Variants in ANK3 observed in about 807,000 individuals in gnomAD.
ANK3 encodes ankyrin 3.
ANK3 carries 57 observed loss-of-function variants against 370.9 expected under a neutral mutation model. The ratio of observed to expected loss-of-function variants is 0.15; its 90% CI spans 0.12 to 0.19. ANK3 has a LOEUF of 0.19. Among genes scored for constraint, ANK3 ranks in the 10% least tolerant of loss-of-function variants. The pLI is 1.00. For missense variants in ANK3, 4,439 were observed against 5,302.1 expected, an observed-to-expected ratio of 0.84 and a Z score of 5.06; for synonymous variants, 1,929 against 1,946.3, an observed-to-expected ratio of 0.99 and a Z score of 0.23.
Position 60,601,922 on chromosome 10 carries a change from T to C in ANK3, c.96+13264A>G, listed in dbSNP as rs530902877. 2.2e-4 allele frequency among the ~76,000 whole-genome samples: 33 copies of C among 152,294 alleles called. No homozygotes were observed. In the South Asian group the frequency reaches 5.6e-3, roughly 26 times the overall value. ...ATTCTATATGCAATAATCTCAAATA[T>C]ATTTATTGATATGCTCAGTGAAGTA... is the stretch of plus-strand genomic sequence containing the variant. On this transcript the variant is annotated intron_variant, in intron 2 of 43. Coordinates refer to the ANK3 transcript ENST00000373827.
At chr10:60,395,951 C>T (rs1047577477) in intron 2 of ANK3, among the ~76,000 whole-genome samples, 6 of 152,146 alleles carry the variant, frequency 3.9e-5, no homozygotes, top group Non-Finnish European at 7.4e-5. Context: ...GATCTCTTTT[C>T]GCTACCCATG....
chr10:60,367,213 G>A (rs967248439), intron 1 of ANK3, among the ~76,000 whole-genome samples: 6 of 152,168 alleles, frequency 3.9e-5, no homozygotes, highest in African/African-American at 7.2e-5. Context: ...TTACATAACC[G>A]TTCCTACCAA....
chr10:60,226,726 A>T (rs2097170331), intron 8 of ANK3, among the ~76,000 whole-genome samples: 1 of 143,828 alleles, frequency 7.0e-6, no homozygotes, highest in African/African-American at 2.5e-5. Context: ...CATAGTATTC[A>T]TTATATAAAT....
chr10:60,276,042 A>G (rs925275815), intron 4 of ANK3, among the ~76,000 whole-genome samples: 7 of 152,162 alleles, frequency 4.6e-5, no homozygotes, highest in African/African-American at 1.2e-4. Context: ...CTGGAATGTT[A>G]AGTACTAAAA....
intron 2 of ANK3, among the ~76,000 whole-genome samples, chr10:60,545,652 C>G (rs2076947437): frequency 6.6e-6 from 1 of 151,890 alleles, no homozygotes; most frequent in Admixed American, 6.6e-5. Flanking sequence ...AAATATTTAT[C>G]AAGTCAAAGG....
chr10:60,602,384 T>G (rs533557800), intron 2 of ANK3, among the ~76,000 whole-genome samples: 2 of 152,276 alleles, frequency 1.3e-5, no homozygotes, highest in African/African-American at 4.8e-5. Context: ...ACCATTCTAT[T>G]GATAACTAGG....
At chr10:60,668,929 G>T (rs1409313348) in intron 1 of ANK3, among the ~76,000 whole-genome samples, 1 of 152,054 alleles carries the variant, frequency 6.6e-6, no homozygotes, top group African/African-American at 2.4e-5. Context: ...GGAGGCAGAG[G>T]TTGCGGTGAG....
At chr10:60,353,039 A>G (rs1022609454) in intron 1 of ANK3, among the ~76,000 whole-genome samples, 1 of 152,112 alleles carries the variant, frequency 6.6e-6, no homozygotes. Flanking sequence ...GCTGGAGTGC[A>G]GAGGCGTGAT....
chr10:60,095,566 A>G (rs1315548884), intron 28 of ANK3, among the ~76,000 whole-genome samples: 3 of 152,176 alleles, frequency 2.0e-5, no homozygotes, highest in Non-Finnish European at 4.4e-5. Context: ...CTTTTTTTGT[A>G]GAGACTGGCC....
chr10:60,514,067 T>C lies in ANK3; in HGVS notation c.96+101119A>G, dbSNP rs1261993121. Among the ~76,000 whole-genome samples the C allele has an allele frequency of 5.9e-5, 9 of 152,158 alleles. No individual in the cohort carries two copies. In the East Asian group the frequency reaches 1.7e-3, roughly 29 times the overall value. ...TTATCTACTTCCTCTCAATGAATAG[T>C]AAATGTTTCCCTCCTTATAATTTTC... On this transcript the variant is annotated intron_variant, in intron 2 of 43. Transcript: ENST00000373827.
At chr10:60,201,858 T>A (rs975683001) in intron 12 of ANK3, among the ~76,000 whole-genome samples, 1 of 151,940 alleles carries the variant, frequency 6.6e-6, no homozygotes, top group Non-Finnish European at 1.5e-5. Context: ...ATTACATGCA[T>A]GCACCACCAC....
At chr10:60,156,270 A>C (rs192097514) in intron 23 of ANK3, among the ~76,000 whole-genome samples, 405 of 152,254 alleles carry the variant, frequency 2.7e-3, no homozygotes, top group African/African-American at 9.4e-3. Flanking sequence ...AGCCACACTA[A>C]AATAAAGCAC....
In ANK3 at chr10:60,071,569, T is replaced by C; in HGVS notation, c.9312A>G (p.Gln3104=). The C allele has an allele frequency of 6.2e-7, 1 of 1,614,124 alleles. No homozygotes were observed. Among genetic ancestry groups the C allele is most frequent in the Non-Finnish European group, 8.5e-7 (1 of 1,180,018 alleles). ...CTCCTTGTTGTATCTCCTTTTCATA[T>C]TGCTTCCCCACTTGTACAAAACTGA... ...VYVSFVQVGK[Q]YEKEIQQGGV... The change falls in exon 37 of 44, where the codon CAA becomes CAG. Residue 3104 remains glutamine, a synonymous_variant. Transcript: ENST00000280772.
At chr10:60,360,469 G>C (rs2058430428) in intron 1 of ANK3, among the ~76,000 whole-genome samples, 1 of 152,196 alleles carries the variant, frequency 6.6e-6, no homozygotes, top group African/African-American at 2.4e-5. Flanking sequence ...AGCACTTTGA[G>C]AGGCTGAGGC....
chr10:60,272,414 T>C (rs2098007383), intron 4 of ANK3, among the ~76,000 whole-genome samples: 1 of 152,154 alleles, frequency 6.6e-6, no homozygotes, highest in Non-Finnish European at 1.5e-5. Context: ...CTCCGAAAGC[T>C]GAAACTTCCA....
At chr10:60,042,977 G>T in intron 42 of ANK3, 2 of 1,314,356 alleles carry the variant, frequency 1.5e-6, no homozygotes, top group Non-Finnish European at 1.9e-6. Context: ...CAACATAATT[G>T]TACTTGACAA....
chr10:60,571,457 T>C (rs1327711167), intron 2 of ANK3, among the ~76,000 whole-genome samples: 1 of 152,232 alleles, frequency 6.6e-6, no homozygotes, highest in Non-Finnish European at 1.5e-5. Context: ...TCTGTATGTG[T>C]CCACTGTCTG....
chr10:60,398,019 A>C (rs1340462379), intron 2 of ANK3, among the ~76,000 whole-genome samples: 1 of 152,194 alleles, frequency 6.6e-6, no homozygotes, highest in African/African-American at 2.4e-5. Flanking sequence ...GAGTCAGCAA[A>C]CATTTTTGTA....
intron 42 of ANK3, among the ~76,000 whole-genome samples, chr10:60,047,487 G>A (rs1055221788): frequency 6.6e-6 from 1 of 152,188 alleles, no homozygotes; most frequent in African/African-American, 2.4e-5. Context: ...TAAGCAATAT[G>A]AATAGTACGA....
Sources: gnomAD v4.1 joint callset for allele counts (sites outside exome capture counted in the v4.1 genomes callset) on GRCh38, gnomAD v4.1.1 for gene constraint, MANE v1.5 for transcripts, NCBI Gene and HGNC (gene_info 2026-07-23, HGNC 2026-07-21) for gene names.